Variants in GGTA1 observed in about 807,000 individuals in gnomAD.
GGTA1 encodes the protein glycoprotein alpha-galactosyltransferase 1 (inactive), also known as inactive N-acetyllactosaminide alpha-1,3-galactosyltransferase.
GGTA1 carries 5 observed loss-of-function variants against 2.6 expected under a neutral mutation model. The observed-to-expected ratio is 1.92, with a 90% CI of 1.00 to 4.04. GGTA1 has a LOEUF of 4.04. GGTA1 is among the 30% of genes most tolerant of loss of function. The probability of loss-of-function intolerance (pLI) is 0.00; values close to 1 mark genes in which losing one functional copy is unlikely to be tolerated. For missense variants in GGTA1, 50 were observed against 16.7 expected (o/e 2.99, Z -3.47); for synonymous variants, 17 against 5.0 (o/e 3.38, Z -3.19).
chr9:121,497,592 G>A (rs1829021030), intron 1 of GGTA1, among the ~76,000 whole-genome samples: 1 of 152,068 alleles, frequency 6.6e-6, no homozygotes, highest in Non-Finnish European at 1.5e-5. Context: ...TCCAGTCTTA[G>A]AAGGCTGGAC....
chr9:121,495,470 C>T (rs1828972783), intron 1 of GGTA1, among the ~76,000 whole-genome samples: 9 of 152,086 alleles, frequency 5.9e-5, no homozygotes. Context: ...TCACTTGAAC[C>T]CGGGAGGCGG....
chr9:121,478,723 A>T (rs1828569325), intron 1 of GGTA1, among the ~76,000 whole-genome samples: 1 of 152,248 alleles, frequency 6.6e-6, no homozygotes, highest in Non-Finnish European at 1.5e-5. Context: ...CTGTCGCTCC[A>T]GCCATCTCAA....
intron 1 of GGTA1, among the ~76,000 whole-genome samples, chr9:121,469,105 C>T (rs76992287): frequency 0.033 from 4,970 of 152,206 alleles, 124 homozygotes; most frequent in Non-Finnish European, 0.052. Flanking sequence ...ATTCCCTGAT[C>T]GCTGCGTGAA....
intron 1 of GGTA1, among the ~76,000 whole-genome samples, chr9:121,468,681 A>T (rs1479967947): frequency 6.6e-6 from 1 of 152,236 alleles, no homozygotes; most frequent in Non-Finnish European, 1.5e-5. Flanking sequence ...ACTAGAGCTG[A>T]GGAGTCTGTT....
At chr9:121,484,634 T>A (rs1431021951) in intron 1 of GGTA1, among the ~76,000 whole-genome samples, 1 of 152,220 alleles carries the variant, frequency 6.6e-6, no homozygotes. Flanking sequence ...GACAGAAAGT[T>A]ATTTAAGTAA....
intron 1 of GGTA1, among the ~76,000 whole-genome samples, chr9:121,498,996 C>G (rs1829048742): frequency 6.6e-6 from 1 of 151,540 alleles, no homozygotes; most frequent in Non-Finnish European, 1.5e-5. Context: ...CGAGTAGGAG[C>G]AAGGTTTGAA....
rs569443612 is a variant in GGTA1 at position 121,472,407 on chromosome 9, GA to G, written c.-9-4477del. On this transcript the variant is annotated intron_variant, in intron 1 of 5. Coordinates refer to ENST00000481799, the MANE Select transcript of GGTA1 (RefSeq NM_001382585.1). Reference sequence around the variant, plus strand: ...TGCCTGGCATCGTATAAATGCAGAAGAAAAAAAAAAGTCCACTAGTTCTTAT... The same window carrying G: ...TGCCTGGCATCGTATAAATGCAGAAGAAAAAAAAAGTCCACTAGTTCTTAT... Among the ~76,000 whole-genome samples the G allele has an allele frequency of 6.1e-4, 91 of 148,322 alleles. 2 individuals are homozygous for G. Among genetic ancestry groups the G allele is most frequent in the African/African-American group, 1.9e-3 (78 of 40,390 alleles).
chr9:121,445,673 A>T (rs2064848995), exon 8 of GGTA1: 3 of 152,228 alleles, frequency 2.0e-5, no homozygotes, highest in Non-Finnish European at 4.4e-5. Context: ...TAGATCTTCC[A>T]TTGTTATGGC....
At chr9:121,488,113 G>A (rs533081501) in intron 1 of GGTA1, among the ~76,000 whole-genome samples, 45 of 89,596 alleles carry the variant, frequency 5.0e-4, no homozygotes, top group Admixed American at 1.9e-3. Context: ...GTGTGTGTGC[G>A]TGTGTGCGTG....
rs545538555 is a variant in GGTA1, at chr9:121,476,436, C to G, written c.-9-8505G>C. Among the ~76,000 whole-genome samples the G allele has an allele frequency of 1.3e-5, 2 of 152,324 alleles. No homozygotes were observed. Among genetic ancestry groups the G allele is most frequent in the African/African-American group, 4.8e-5 (2 of 41,578 alleles). On this transcript the variant is annotated intron_variant, in intron 1 of 5. Coordinates refer to ENST00000481799, the MANE Select transcript of GGTA1 (RefSeq NM_001382585.1). The surrounding 1 kb of genome is among the most constrained non-coding windows in gnomAD (Gnocchi z 4.6). ...CACGAGTTTCTCTGGCCTCAGACTC[C>G]TTGGCCCAGAAACAAGTCCTTTGGA...
chr9:121,490,459 A>G (rs1828851328), intron 1 of GGTA1, among the ~76,000 whole-genome samples: 1 of 152,152 alleles, frequency 6.6e-6, no homozygotes, highest in African/African-American at 2.4e-5. Context: ...CTGTGGCACT[A>G]CAAGGTTCCC....
chr9:121,470,135 C>T lies in GGTA1; in HGVS notation c.-9-2204G>A, dbSNP rs141554540. Among the ~76,000 whole-genome samples the T allele has an allele frequency of 6.6e-5, 10 of 152,340 alleles. No individual in the cohort carries two copies. In the East Asian group the frequency reaches 1.9e-3, roughly 29 times the overall value. ...GTTTTTTCCTGAGCTTTTCCTGTGT[C>T]TCCTCTTGTGATCACACTGGACTGA... On this transcript the variant is annotated intron_variant, in intron 1 of 5. Transcript: ENST00000481799.
intron 2 of GGTA1, among the ~76,000 whole-genome samples, chr9:121,466,563 A>G (rs2065006341): frequency 6.6e-6 from 1 of 152,194 alleles, no homozygotes; most frequent in Non-Finnish European, 1.5e-5. Flanking sequence ...TGGCTCCAGC[A>G]TTCGGAGAGT....
At chr9:121,447,765 G>T (rs2064858865) in intron 7 of GGTA1, among the ~76,000 whole-genome samples, 1 of 152,100 alleles carries the variant, frequency 6.6e-6, no homozygotes, top group African/African-American at 2.4e-5. Context: ...GTTAGTAGGA[G>T]AATGATTTCT....
At chr9:121,470,181 T>C (rs1415751908) in intron 1 of GGTA1, among the ~76,000 whole-genome samples, 1 of 152,222 alleles carries the variant, frequency 6.6e-6, no homozygotes, top group East Asian at 1.9e-4. Context: ...AAAGAATACA[T>C]AACAGTGGCC....
intron 1 of GGTA1, among the ~76,000 whole-genome samples, chr9:121,483,690 C>T (rs1306922019): frequency 1.3e-5 from 2 of 152,168 alleles, no homozygotes; most frequent in East Asian, 3.9e-4. Flanking sequence ...CCATCTTCCA[C>T]ATCCTGAGTT....
In GGTA1 at chr9:121,460,133, CTCTGTTGTG is replaced by C. The variant is rs2064947776; in HGVS notation, c.260_268del (p.Thr87_Gln89del). On this transcript the variant is annotated inframe_deletion, in exon 5 of 6. Coordinates refer to ENST00000481799, the MANE Select transcript of GGTA1 (RefSeq NM_001382585.1). ...GATTAAACCAGTCCCATAGCCGAAG[CTCTGTTGTG>C]TCATTTTCCTTCCTTTGGTCTCCTC... 1 of 456,716 alleles carries C rather than the reference CTCTGTTGTG, an allele frequency of 2.2e-6. No individual in the cohort carries two copies. The highest frequency in any genetic ancestry group is 4.4e-6 in the Non-Finnish European group (1 of 227,008). The allele number at this position is 456,716 out of a possible 1,614,324, so 28.3% of individuals were successfully genotyped here.
intron 1 of GGTA1, chr9:121,479,367 T>C (rs1828585419): frequency 5.7e-6 from 2 of 350,130 alleles, no homozygotes; most frequent in African/African-American, 4.3e-5. Flanking sequence ...TTTCAGGAGA[T>C]GGGGAGTAGA....
chr9:121,469,913 A>G (rs1828352313), intron 1 of GGTA1, among the ~76,000 whole-genome samples: 1 of 152,082 alleles, frequency 6.6e-6, no homozygotes, highest in African/African-American at 2.4e-5. Flanking sequence ...AAATTACTCA[A>G]ACTAGTCCAT....
Sources: allele counts gnomAD v4.1 joint callset (sites outside exome capture counted in the v4.1 genomes callset), GRCh38; gene constraint gnomAD v4.1.1; non-coding constraint Gnocchi (gnomAD v3.1); transcripts MANE v1.5; gene names NCBI Gene and HGNC (gene_info 2026-07-23, HGNC 2026-07-21).